SNX18: variants seen among roughly 807,000 people sequenced by gnomAD.
SNX18 encodes sorting nexin 18.
A neutral mutation model predicts 48.7 loss-of-function variants in SNX18; 35 were observed. That is an observed-to-expected ratio of 0.72 (90% CI 0.55 to 0.95). SNX18 has a LOEUF of 0.95. Ranked by LOEUF, SNX18 falls within the 40% of genes least tolerant of loss-of-function variation. SNX18 has a pLI of 0.00. For synonymous variants in SNX18, 492 were observed against 384.7 expected, an observed-to-expected ratio of 1.28 and a Z score of -3.26; for missense variants, 824 against 871.0, an observed-to-expected ratio of 0.95 and a Z score of 0.68.
the SNX18 span, among the ~76,000 whole-genome samples, chr5:54,610,826 C>T: frequency 6.6e-6 from 1 of 152,186 alleles, no homozygotes; most frequent in Non-Finnish European, 1.5e-5. Flanking sequence ...CATATAGATA[C>T]AAGCTCGTTA....
At chr5:54,530,644 A>G (rs1762236487) in intron 1 of SNX18, among the ~76,000 whole-genome samples, 1 of 150,878 alleles carries the variant, frequency 6.6e-6, no homozygotes, top group African/African-American at 2.4e-5. Context: ...CATTATATCT[A>G]TTTAAGCTTC....
chr5:54,579,909 C>T, the SNX18 span, among the ~76,000 whole-genome samples: 1 of 152,010 alleles, frequency 6.6e-6, no homozygotes, highest in African/African-American at 2.4e-5. Context: ...GGAGTTGAAC[C>T]AAAAATATAT....
the SNX18 span, among the ~76,000 whole-genome samples, chr5:54,567,747 G>A: frequency 6.6e-6 from 1 of 152,200 alleles, no homozygotes; most frequent in Non-Finnish European, 1.5e-5. Context: ...TGGGATGTAA[G>A]TACAGTGATG....
the SNX18 span, chr5:54,645,376 C>G: frequency 3.3e-5 from 5 of 152,178 alleles, no homozygotes; most frequent in African/African-American, 9.7e-5. Context: ...TTATAAGAAC[C>G]GTTTGGATGC....
At chr5:54,640,392 TC>T in the SNX18 span, among the ~76,000 whole-genome samples, 23 of 36,712 alleles carry the variant, frequency 6.3e-4, no homozygotes, top group Non-Finnish European at 1.1e-3. Context: ...TTTTGTACTT[TC>T]TTTTTTTTAA....
At chr5:54,524,872 G>T (rs749813939) in intron 1 of SNX18, among the ~76,000 whole-genome samples, 1 of 152,252 alleles carries the variant, frequency 6.6e-6, no homozygotes, top group Admixed American at 6.5e-5. Flanking sequence ...GCCAGCCTCG[G>T]CAGTTCCTTG....
the SNX18 span, among the ~76,000 whole-genome samples, chr5:54,588,265 A>G: frequency 6.6e-6 from 1 of 150,808 alleles, no homozygotes; most frequent in Non-Finnish European, 1.5e-5. Context: ...AAAAAAAAAT[A>G]ATTCAAATAC....
At chr5:54,547,530 G>T (rs140473517), downstream of SNX18, among the ~76,000 whole-genome samples, 876 of 152,248 alleles carry the variant, frequency 5.8e-3, 9 homozygotes, top group African/African-American at 0.02. Flanking sequence ...CATTCTTTGG[G>T]CACTGGGCAC....
At chr5:54,527,389 T>C (rs1273328836) in intron 1 of SNX18, among the ~76,000 whole-genome samples, 2 of 151,776 alleles carry the variant, frequency 1.3e-5, no homozygotes, top group Non-Finnish European at 2.9e-5. Flanking sequence ...AGCTATATTT[T>C]GGAGGTAGAA....
chr5:54,519,573 G>A lies in SNX18; in HGVS notation c.1621G>A (p.Gly541Arg). ...NFPDIIHVQK[G>R]ALTKVKESRR... is the part of the protein sequence containing the mutation. ...CCCGGACATCATCCACGTTCAGAAA[G>A]GTAAAGCCTGGCCCTTAGAGCAGGT... The change falls in exon 1 of 2, where the codon GGA becomes AGA. Residue 541 changes from glycine to arginine, a missense_variant and splice_region_variant. Gly to Arg is a moderately radical substitution (Grantham distance 125, BLOSUM62 -2). Coordinates refer to ENST00000381410, the MANE Select transcript of SNX18 (RefSeq NM_001102575.2). 1 of 1,614,224 alleles carries A rather than the reference G, an allele frequency of 6.2e-7. No individual in the cohort carries two copies. The highest frequency in any genetic ancestry group is 8.5e-7 in the Non-Finnish European group (1 of 1,180,042).
the SNX18 span, among the ~76,000 whole-genome samples, chr5:54,628,607 C>T: frequency 6.6e-6 from 1 of 152,158 alleles, no homozygotes; most frequent in Admixed American, 6.6e-5. Context: ...ACCTCTAGTC[C>T]CCTCTCCAGG....
chr5:54,547,402 G>A (rs1762593229), downstream of SNX18, among the ~76,000 whole-genome samples: 1 of 152,174 alleles, frequency 6.6e-6, no homozygotes, highest in Admixed American at 6.5e-5. Flanking sequence ...GATTCAAATT[G>A]GGATCTGGCT....
the SNX18 span, among the ~76,000 whole-genome samples, chr5:54,623,919 C>A: frequency 6.6e-6 from 1 of 152,180 alleles, no homozygotes; most frequent in Non-Finnish European, 1.5e-5. Context: ...CTTTCTCCAA[C>A]TTTGAGGTAT....
At chr5:54,624,461 T>G in the SNX18 span, among the ~76,000 whole-genome samples, 5 of 152,212 alleles carry the variant, frequency 3.3e-5, no homozygotes, top group Non-Finnish European at 7.3e-5. Context: ...GTATAGTAAA[T>G]GAAGATACAG....
At chr5:54,537,661 T>A (rs1762382412) in intron 1 of SNX18, among the ~76,000 whole-genome samples, 1 of 152,056 alleles carries the variant, frequency 6.6e-6, no homozygotes, top group Non-Finnish European at 1.5e-5. Context: ...GGCAATATGA[T>A]GTTTATGAGG....
At chr5:54,605,065 AG>A in the SNX18 span, among the ~76,000 whole-genome samples, 1 of 152,142 alleles carries the variant, frequency 6.6e-6, no homozygotes, top group African/African-American at 2.4e-5. Context: ...AGGAAGTGTG[AG>A]GGGTGGTGAG....
the SNX18 span, among the ~76,000 whole-genome samples, chr5:54,556,053 T>C: frequency 1.3e-5 from 2 of 152,170 alleles, no homozygotes; most frequent in African/African-American, 4.8e-5. Flanking sequence ...CCAGCAGCTC[T>C]TTGGTGAAAG....
At chr5:54,590,829 G>A in the SNX18 span, among the ~76,000 whole-genome samples, 1 of 152,084 alleles carries the variant, frequency 6.6e-6, no homozygotes, top group African/African-American at 2.4e-5. Context: ...TTCCTCCCTA[G>A]ATCCTGAGCT....
In SNX18 at chr5:54,543,849, T is replaced by C. The variant is rs1762517392; in HGVS notation, c.*417T>C. 6.3e-6 allele frequency: 1 copy of C among 158,384 alleles called. No homozygotes were observed. Among genetic ancestry groups the C allele is most frequent in the Non-Finnish European group, 1.4e-5 (1 of 72,174 alleles). 9.8% of individuals were successfully genotyped at this position (158,384 alleles called of 1,614,324 possible). ...ATTGGGATTACCTAAATTCAACCTA[T>C]TCTCTGTTTACAAACTCCAACTAGA... On this transcript the variant is annotated 3_prime_UTR_variant, in exon 2 of 2. Transcript: ENST00000381410.
Sources: allele counts gnomAD v4.1 joint callset (sites outside exome capture counted in the v4.1 genomes callset), GRCh38; gene constraint gnomAD v4.1.1; transcripts MANE v1.5; gene names NCBI Gene and HGNC (gene_info 2026-07-23, HGNC 2026-07-21).